The following KRTAP10-6 variants were observed in gnomAD, a reference collection of about 807,000 sequenced individuals.
The protein encoded by KRTAP10-6 is keratin associated protein 10-6, also known as keratin-associated protein 10-6.
In KRTAP10-6, 1 loss-of-function variant was observed where a neutral mutation model predicts 0.5. That is an observed-to-expected ratio of 1.92 (90% CI 0.68 to 9.09). The LOEUF is 9.09. KRTAP10-6 is among the 30% of genes most tolerant of loss of function. The pLI, the probability that KRTAP10-6 is intolerant of heterozygous loss-of-function variation, is 0.13. For synonymous variants in KRTAP10-6, 136 were observed against 196.5 expected, an observed-to-expected ratio of 0.69 and a Z score of 2.58; for missense variants, 337 against 464.2, an observed-to-expected ratio of 0.73 and a Z score of 2.52.
At position 44,591,826 on chromosome 21, in the gene KRTAP10-6, G is replaced by A. The variant is rs782574640; in HGVS notation, c.659C>T (p.Thr220Ile). Reference protein sequence around the residue: ...QQSSCQPTCCTSSPCQQACCV... With the variant: ...QQSSCQPTCCISSPCQQACCV... ...GCAGGCCTGCTGGCAGGGGGAGGAG[G>A]TGCAGCAAGTTGGCTGGCAGCTAGA... is the stretch of plus-strand genomic sequence containing the variant. Residue 220 changes from threonine to isoleucine, a missense_variant, in exon 1 of 1, where the codon ACC (threonine) becomes ATC (isoleucine). Coordinates refer to ENST00000400368, the MANE Select transcript of KRTAP10-6 (RefSeq NM_198688.3). 1.9e-6 allele frequency: 3 copies of A among 1,598,192 alleles called. No individual in the cohort carries two copies. The African/African-American group carries it at 4.2e-5, about 22-fold the overall frequency.
Position 44,592,003 on chromosome 21 carries a change from C to T in KRTAP10-6, c.482G>A (p.Cys161Tyr). 1.2e-6 allele frequency: 2 copies of T among 1,600,300 alleles called. No individual in the cohort carries two copies. Among genetic ancestry groups the T allele is most frequent in the South Asian group, 1.1e-5 (1 of 90,332 alleles). ...CQQACCVPVC[C>Y]KPVCSGISSS... Reference sequence around the variant, plus strand: ...GGAAATCCCAGAGCAGACAGGCTTGCAGCAGACGGGCACACAGCAGGCCTG... The same window carrying T: ...GGAAATCCCAGAGCAGACAGGCTTGTAGCAGACGGGCACACAGCAGGCCTG... Residue 161 changes from cysteine to tyrosine, a missense_variant, in exon 1 of 1, where the codon TGC becomes TAC. Coordinates refer to ENST00000400368, the MANE Select transcript of KRTAP10-6 (RefSeq NM_198688.3).
rs1979923862 is a variant in KRTAP10-6 at position 44,591,917 on chromosome 21, C to T, written c.568G>A (p.Val190Ile). The stretch of plus-strand genomic sequence containing the variant: ...GATTGGCAGGGGCTGGGCTCACAGA[C>T]CGCCTGGCAGCAGGGGCTGGACACA... ...SCVSSPCCQA[V>I]CEPSPCQSGC... Residue 190 changes from valine (V) to isoleucine (I), a missense_variant, in exon 1 of 1, where the codon GTC (valine) becomes ATC (isoleucine). Val to Ile is a conservative substitution (Grantham distance 29, BLOSUM62 3). Around this residue, in one of 3 missense-constraint regions of KRTAP10-6, gnomAD observed 218 missense variants for 225.3 expected, o/e 0.97. Coordinates refer to ENST00000400368, the MANE Select transcript of KRTAP10-6 (RefSeq NM_198688.3). The T allele has an allele frequency of 1.9e-6, 3 of 1,599,068 alleles. No homozygotes were observed. The African/African-American group carries it at 4.3e-5, about 23-fold the overall frequency.
Position 44,591,865 on chromosome 21 carries a change from G to GAAGAATCCCCAC in KRTAP10-6, c.619_620insGTGGGGATTCTT (p.Pro206_Ser207insCysGlyAspSer), listed in dbSNP as rs1569206346. The GAAGAATCCCCAC allele has an allele frequency of 3.1e-6, 5 of 1,608,150 alleles. No homozygotes were observed. The African/African-American group carries it at 4.2e-5, about 13-fold the overall frequency. ...CTGGCAGCTAGACTGCTGGCAGCAT[G>GAAGAATCCCCAC]AGGGTGTGCAGGAGCTGGTGCAGCC... On this transcript the variant is annotated inframe_insertion, in exon 1 of 1. Transcript: ENST00000400368.
Position 44,591,646 on chromosome 21 carries a change from G to A in KRTAP10-6, c.839C>T (p.Thr280Ile). 1 of 1,613,778 alleles carries A rather than the reference G, an allele frequency of 6.2e-7. No homozygotes were observed. Among genetic ancestry groups the A allele is most frequent in the Non-Finnish European group, 8.5e-7 (1 of 1,179,802 alleles). Residue 280 changes from threonine to isoleucine, a missense_variant, in exon 1 of 1, where the codon ACA (threonine) becomes ATA (isoleucine). Coordinates refer to ENST00000400368, the MANE Select transcript of KRTAP10-6 (RefSeq NM_198688.3). ...CCVPVCSGAS[T>I]SCCQQSSCQP... ...GCAGCTAGACTGCTGGCAGCATGAT[G>A]TGGAAGCCCCAGAGCAGACGGGCAC...
rs192374813 is a variant in KRTAP10-6 at position 44,591,464 on chromosome 21, C to T, written c.1021G>A (p.Val341Ile). ...QPSCCRTASC[V>I]SLLCRPMCSR... ...CACATGGGGCGGCAGAGGAGGGAAA[C>T]ACAGGAGGCCGTGCGGCAGCAGCTG... The change falls in exon 1 of 1, where the codon GTT becomes ATT. Residue 341 changes from valine (V) to isoleucine (I), a missense_variant. Physicochemically the swap from Val to Ile is conservative, Grantham distance 29. Coordinates refer to ENST00000400368, the MANE Select transcript of KRTAP10-6 (RefSeq NM_198688.3). 2.0e-5 allele frequency: 33 copies of T among 1,614,044 alleles called. No individual in the cohort carries two copies. In the East Asian group the frequency reaches 6.5e-4, roughly 32 times the overall value.
rs150717437 is a variant in KRTAP10-6 at position 44,591,369 on chromosome 21, G to C, written c.*18C>G. 7 of 1,583,866 alleles carry C rather than the reference G, an allele frequency of 4.4e-6. No homozygotes were observed. Among genetic ancestry groups the C allele is most frequent in the Non-Finnish European group, 6.0e-6 (7 of 1,162,782 alleles). On this transcript the variant is annotated 3_prime_UTR_variant, in exon 1 of 1. Coordinates refer to ENST00000400368, the MANE Select transcript of KRTAP10-6 (RefSeq NM_198688.3). ...TCAGCCCCTGGTGGGAAGGGACTCC[G>C]GATCACATCCAGGGCTGTCAGCAGC...
In KRTAP10-6 at chr21:44,591,965, G is replaced by C. The variant is rs782595081; in HGVS notation, c.520C>G (p.Gln174Glu). ...VCSGISSSCC[Q>E]QSSCVSCVSS... ...ACACAGCTCACACAGCTAGACTGCTGGCAGCACGAAGAGGAAATCCCAGAG... is the reference window on the plus strand; with the variant it reads ...ACACAGCTCACACAGCTAGACTGCTCGCAGCACGAAGAGGAAATCCCAGAG... The change falls in exon 1 of 1, where the codon CAG becomes GAG. Residue 174 changes from glutamine to glutamate, a missense_variant. By Grantham distance (29) the Gln-to-Glu change is conservative (BLOSUM62 2). Transcript: ENST00000400368. 3.7e-6 allele frequency: 6 copies of C among 1,604,762 alleles called. No homozygotes were observed. Among genetic ancestry groups the C allele is most frequent in the Non-Finnish European group, 8.5e-7 (1 of 1,178,554 alleles).
In KRTAP10-6 at chr21:44,591,783, G is replaced by A. The variant is rs112627096; in HGVS notation, c.702C>T (p.Cys234=). 3.3e-5 allele frequency: 52 copies of A among 1,585,984 alleles called. No homozygotes were observed. Among genetic ancestry groups the A allele is most frequent in the Non-Finnish European group, 3.9e-5 (45 of 1,167,774 alleles). The change falls in exon 1 of 1, where the codon TGC becomes TGT. Residue 234 remains cysteine, a synonymous_variant. Transcript: ENST00000400368. The part of the protein sequence containing the change: ...CQQACCVPVC[C]VPVCCVPTCS... ...AGGTGGGCACACAGCACACAGGCAC[G>A]CAGCAGACGGGCACGCAGCAGGCCT... is the stretch of plus-strand genomic sequence containing the variant.
Position 44,591,411 on chromosome 21 carries a change from G to A in KRTAP10-6, c.1074C>T (p.Cys358=), listed in dbSNP as rs782625540. 6.8e-6 allele frequency: 11 copies of A among 1,611,284 alleles called. No individual in the cohort carries two copies. The highest frequency in any genetic ancestry group is 1.6e-4 in the Middle Eastern group (1 of 6,070). The change falls in exon 1 of 1, where the codon TGC becomes TGT. Residue 358 remains cysteine, a synonymous_variant. Coordinates refer to ENST00000400368, the MANE Select transcript of KRTAP10-6 (RefSeq NM_198688.3). ...GTCAGCAGCTGGACTTCTGGCCAGA[G>A]CAGAGGCTGTAGCAGGCAGGGCGGG... The part of the protein sequence containing the change: ...MCSRPACYSL[C]SGQKSSC
rs1200282586 is a variant in KRTAP10-6 at position 44,591,319 on chromosome 21, A to G, written c.*68T>C. On this transcript the variant is annotated 3_prime_UTR_variant, in exon 1 of 1. Transcript: ENST00000400368. Reference sequence around the variant, plus strand: ...TGAGGGTGTCAAAGCCAGAGAGGGCAGAGCTTGCTGGGGCAGCTGGGAGGT... The same window carrying G: ...TGAGGGTGTCAAAGCCAGAGAGGGCGGAGCTTGCTGGGGCAGCTGGGAGGT... The G allele has an allele frequency of 1.3e-6, 2 of 1,543,406 alleles. No homozygotes were observed.
In KRTAP10-6 at chr21:44,591,279, G is replaced by C; in HGVS notation, c.*108C>G. The C allele has an allele frequency of 6.8e-7, 1 of 1,478,928 alleles. No homozygotes were observed. Among genetic ancestry groups the C allele is most frequent in the Non-Finnish European group, 9.0e-7 (1 of 1,109,994 alleles). The allele number at this position is 1,478,928 out of a possible 1,614,324, so 91.6% of individuals were successfully genotyped here. On this transcript the variant is annotated 3_prime_UTR_variant, in exon 1 of 1. Transcript: ENST00000400368. ...AGCATCCTGGTCCCTAAGACAAAGA[G>C]CCTGCCCCATCTTCTGAGGGTGTCA... is the stretch of plus-strand genomic sequence containing the variant.
In KRTAP10-6 at chr21:44,592,489, G is replaced by T. The variant is rs1555927049; in HGVS notation, c.-5C>A. The T allele has an allele frequency of 6.2e-7, 1 of 1,604,540 alleles. No homozygotes were observed. Among genetic ancestry groups the T allele is most frequent in the Non-Finnish European group, 8.5e-7 (1 of 1,174,704 alleles). ...GGACATGGTGGACGCGGCCATGCTGGGGTTGAACTGGTGGAGGGTGAGGGA... is the reference window on the plus strand; with the variant it reads ...GGACATGGTGGACGCGGCCATGCTGTGGTTGAACTGGTGGAGGGTGAGGGA... On this transcript the variant is annotated 5_prime_UTR_variant, in exon 1 of 1. Transcript: ENST00000400368.
At position 44,591,721 on chromosome 21, in the gene KRTAP10-6, C is replaced by T. The variant is rs1555926617; in HGVS notation, c.764G>A (p.Ser255Asn). Residue 255 changes from serine (S) to asparagine (N), a missense_variant, in exon 1 of 1, where the codon AGC becomes AAC. Transcript: ENST00000400368. ...GGAGGTGCAGCAAGCTGGCTGGCAG[C>T]TAGACTGCTGGCAGCATGAAGAGGA... Reference protein sequence around the residue: ...EDSSSCCQQSSCQPACCTSSP... With the variant: ...EDSSSCCQQSNCQPACCTSSP... The T allele has an allele frequency of 1.3e-6, 2 of 1,596,708 alleles. No individual in the cohort carries two copies. Among genetic ancestry groups the T allele is most frequent in the Admixed American group, 1.7e-5 (1 of 58,772 alleles).
In KRTAP10-6 at chr21:44,591,919, G is replaced by T. The variant is rs782772410; in HGVS notation, c.566C>A (p.Ala189Glu). The change falls in exon 1 of 1, where the codon GCG becomes GAG. Residue 189 changes from alanine (A) to glutamate (E), a missense_variant. Transcript: ENST00000400368. Reference sequence around the variant, plus strand: ...TTGGCAGGGGCTGGGCTCACAGACCGCCTGGCAGCAGGGGCTGGACACACA... The same window carrying T: ...TTGGCAGGGGCTGGGCTCACAGACCTCCTGGCAGCAGGGGCTGGACACACA... ...VSCVSSPCCQ[A>E]VCEPSPCQSG... 1.7e-5 allele frequency: 28 copies of T among 1,604,248 alleles called. No homozygotes were observed. Among genetic ancestry groups the T allele is most frequent in the Non-Finnish European group, 2.3e-5 (27 of 1,177,606 alleles).
At chr21:44,592,349 A>AG in the KRTAP10-6 span, 4 of 1,325,846 alleles carry the variant, frequency 3.0e-6, 2 homozygotes, top group Non-Finnish European at 2.0e-6. Context: ...GGGGCGCAGC[A>AG]GGGGGGCTCA....
chr21:44,592,448 G>A lies in KRTAP10-6; in HGVS notation c.37C>T (p.Leu13=), dbSNP rs1569207437. 15 of 1,611,422 alleles carry A rather than the reference G, an allele frequency of 9.3e-6. No homozygotes were observed. The highest frequency in any genetic ancestry group is 1.3e-5 in the African/African-American group (1 of 74,892). Reference sequence around the variant, plus strand: ...AGGCAGACGCGGCTGCCGTAGCTCAGGTCGCTGGAGCAGACGGACATGGTG... The same window carrying A: ...AGGCAGACGCGGCTGCCGTAGCTCAAGTCGCTGGAGCAGACGGACATGGTG... ...ASTMSVCSSD[L]SYGSRVCLPG... is the part of the protein sequence containing the mutation. The change falls in exon 1 of 1, where the codon CTG becomes TTG. Residue 13 remains leucine (L), a synonymous_variant. Coordinates refer to ENST00000400368, the MANE Select transcript of KRTAP10-6 (RefSeq NM_198688.3).
rs1980044115 is a variant in KRTAP10-6, at chr21:44,592,480, G to T, written c.5C>A (p.Ala2Asp). The part of the protein sequence containing the change: M[A>D]ASTMSVCSSD... The stretch of plus-strand genomic sequence containing the variant: ...GGAGCAGACGGACATGGTGGACGCG[G>T]CCATGCTGGGGTTGAACTGGTGGAG... The change falls in exon 1 of 1, where the codon GCC (alanine) becomes GAC (aspartate). Residue 2 changes from alanine (A) to aspartate (D), a missense_variant. Ala to Asp is a moderately radical substitution (Grantham distance 126). Transcript: ENST00000400368. 3.7e-6 allele frequency: 6 copies of T among 1,608,218 alleles called. No homozygotes were observed. In the Admixed American group the frequency reaches 8.4e-5, roughly 22 times the overall value.
chr21:44,592,020 G>A lies in KRTAP10-6; in HGVS notation c.465C>T (p.Cys155=). ...CAGGCTTGCAGCAGACGGGCACACA[G>A]CAGGCCTGCTGGCAGGGGGAGGAGG... The part of the protein sequence containing the change: ...CCTSSPCQQA[C]CVPVCCKPVC... Residue 155 remains cysteine, a synonymous_variant, in exon 1 of 1, where the codon TGC becomes TGT. Transcript: ENST00000400368. 1 of 1,605,016 alleles carries A rather than the reference G, an allele frequency of 6.2e-7. No homozygotes were observed. Among genetic ancestry groups the A allele is most frequent in the East Asian group, 2.3e-5 (1 of 44,380 alleles).
chr21:44,591,843 G>A lies in KRTAP10-6; in HGVS notation c.642C>T (p.Cys214=). The A allele has an allele frequency of 1.9e-6, 3 of 1,608,508 alleles. No individual in the cohort carries two copies. Among genetic ancestry groups the A allele is most frequent in the Non-Finnish European group, 2.5e-6 (3 of 1,179,070 alleles). Residue 214 remains cysteine (C), a synonymous_variant, in exon 1 of 1, where the codon TGC becomes TGT. Coordinates refer to ENST00000400368, the MANE Select transcript of KRTAP10-6 (RefSeq NM_198688.3). Reference sequence around the variant, plus strand: ...GGGAGGAGGTGCAGCAAGTTGGCTGGCAGCTAGACTGCTGGCAGCATGAGG... The same window carrying A: ...GGGAGGAGGTGCAGCAAGTTGGCTGACAGCTAGACTGCTGGCAGCATGAGG... ...CTPSCCQQSS[C]QPTCCTSSPC...
Sources: gnomAD v4.1 joint callset for allele counts on GRCh38, gnomAD v4.1.1 for gene constraint, gnomAD v4.1.1 regional missense constraint, MANE v1.5 for transcripts, NCBI Gene and HGNC (gene_info 2026-07-23, HGNC 2026-07-21) for gene names.